The following TRPC4 variants were observed in gnomAD, a reference collection of about 807,000 sequenced individuals.
The protein encoded by TRPC4 is transient receptor potential cation channel subfamily C member 4, also known as short transient receptor potential channel 4.
A neutral mutation model predicts 99.4 loss-of-function variants in TRPC4; 49 were observed. The observed-to-expected ratio is 0.49, with a 90% confidence interval of 0.39 to 0.63. TRPC4 has a LOEUF of 0.63. TRPC4 is among the 20% of genes least tolerant of loss of function. The probability of loss-of-function intolerance (pLI) is 0.00; values close to 1 mark genes in which losing one functional copy is unlikely to be tolerated. For synonymous variants in TRPC4, 454 were observed against 425.9 expected (o/e 1.07, Z -0.81); for missense variants, 898 against 1,152.9 (o/e 0.78, Z 3.20).
At chr13:37,827,353 T>G (rs946243761) in intron 1 of TRPC4, among the ~76,000 whole-genome samples, 2 of 152,220 alleles carry the variant, frequency 1.3e-5, no homozygotes, top group South Asian at 2.1e-4. Flanking sequence ...GGCGCTCTGC[T>G]TTTTAGAGTT....
intron 1 of TRPC4, among the ~76,000 whole-genome samples, chr13:37,853,773 A>G (rs1566225954): frequency 1.3e-5 from 2 of 152,072 alleles, no homozygotes; most frequent in South Asian, 2.1e-4. Context: ...GAGTTGAAAA[A>G]TGTAATTCAC....
intron 2 of TRPC4, among the ~76,000 whole-genome samples, chr13:37,768,988 A>G (rs978321052): frequency 6.6e-6 from 1 of 151,416 alleles, no homozygotes; most frequent in Non-Finnish European, 1.5e-5. Flanking sequence ...AATATAGATC[A>G]TGGTGGTTCA....
At chr13:37,843,244 C>T (rs1958793958) in intron 1 of TRPC4, among the ~76,000 whole-genome samples, 1 of 152,110 alleles carries the variant, frequency 6.6e-6, no homozygotes, top group African/African-American at 2.4e-5. Context: ...TAAAATAATG[C>T]AAGTAAATCA....
intron 6 of TRPC4, among the ~76,000 whole-genome samples, chr13:37,661,396 C>T (rs945609129): frequency 6.6e-6 from 1 of 152,100 alleles, no homozygotes; most frequent in Non-Finnish European, 1.5e-5. Context: ...TTATGTATAA[C>T]CTATTGATTG....
intron 3 of TRPC4, among the ~76,000 whole-genome samples, chr13:37,718,745 G>A (rs868384010): frequency 2.6e-4 from 39 of 151,840 alleles, no homozygotes; most frequent in African/African-American, 8.7e-4. Context: ...AAAAAGAGAA[G>A]GAAATATTAA....
intron 2 of TRPC4, among the ~76,000 whole-genome samples, chr13:37,749,291 C>T (rs549056903): frequency 1.7e-3 from 253 of 152,134 alleles, no homozygotes; most frequent in African/African-American, 5.4e-3. Flanking sequence ...ACAGTGAAAA[C>T]GGACTAATAC....
In TRPC4 at chr13:37,742,761, A is replaced by G. The variant is rs182161899; in HGVS notation, c.897+3176T>C. On this transcript the variant is annotated intron_variant, in intron 3 of 10. Transcript: ENST00000379705. Reference sequence around the variant, plus strand: ...CTTTTGGTAAGAAAGATATGAAGCAAGACATGCTAAAGCAGAATTTTCTTT... The same window carrying G: ...CTTTTGGTAAGAAAGATATGAAGCAGGACATGCTAAAGCAGAATTTTCTTT... Among the ~76,000 whole-genome samples, 17 of 152,298 alleles carry G rather than the reference A, an allele frequency of 1.1e-4. No individual in the cohort carries two copies. The East Asian group carries it at 3.3e-3, about 29-fold the overall frequency.
At position 37,763,353 on chromosome 13, in the gene TRPC4, T is replaced by C. The variant is rs528779685; in HGVS notation, c.379-16898A>G. On this transcript the variant is annotated intron_variant, in intron 2 of 10. Transcript: ENST00000379705. ...TGGTAGCTATGGTGGTGGAAGCATATGGGAGTTTTCCCCTGATTGGTTCTA... is the reference window on the plus strand; with the variant it reads ...TGGTAGCTATGGTGGTGGAAGCATACGGGAGTTTTCCCCTGATTGGTTCTA... Among the ~76,000 whole-genome samples the C allele has an allele frequency of 4.2e-3, 635 of 151,630 alleles. 2 individuals carry two copies. Among genetic ancestry groups the C allele is most frequent in the Non-Finnish European group, 7.2e-3 (491 of 67,734 alleles).
At chr13:37,775,387 C>T (rs1333369) in intron 2 of TRPC4, among the ~76,000 whole-genome samples, 68,017 of 150,252 alleles carry the variant, frequency 0.45, 15,684 homozygotes, top group Middle Eastern at 0.5. Flanking sequence ...GATTTTTTTG[C>T]TATTTATTTT....
intron 2 of TRPC4, among the ~76,000 whole-genome samples, chr13:37,764,797 T>C (rs1298218206): frequency 7.1e-6 from 1 of 141,224 alleles, no homozygotes; most frequent in Non-Finnish European, 1.5e-5. Context: ...TTGATAGATA[T>C]AAATTTTATC....
intron 3 of TRPC4, among the ~76,000 whole-genome samples, chr13:37,714,849 C>G (rs1258044223): frequency 1.3e-5 from 2 of 152,164 alleles, no homozygotes; most frequent in African/African-American, 4.8e-5. Flanking sequence ...TGCACTAGTA[C>G]TTTAATTTGA....
chr13:37,845,575 G>A (rs555547663), intron 1 of TRPC4, among the ~76,000 whole-genome samples: 50 of 151,692 alleles, frequency 3.3e-4, no homozygotes, highest in Admixed American at 7.9e-4. Context: ...TGAGCTCAGA[G>A]GACATTTGAA....
chr13:37,729,281 C>T (rs1368209882), intron 3 of TRPC4, among the ~76,000 whole-genome samples: 1 of 152,042 alleles, frequency 6.6e-6, no homozygotes, highest in Non-Finnish European at 1.5e-5. Context: ...CAATGAGATG[C>T]ACCCTCACAC....
chr13:37,653,092 C>A (rs1570608), intron 7 of TRPC4, among the ~76,000 whole-genome samples: 49,650 of 151,926 alleles, frequency 0.33, 8,896 homozygotes, highest in East Asian at 0.61. Context: ...AGTCAAGGTC[C>A]CCTCTTCCAT....
At chr13:37,654,072 A>T (rs1952139158) in intron 7 of TRPC4, among the ~76,000 whole-genome samples, 1 of 152,158 alleles carries the variant, frequency 6.6e-6, no homozygotes, top group African/African-American at 2.4e-5. Flanking sequence ...TCTGTGAATC[A>T]ATAAATAAAA....
intron 3 of TRPC4, among the ~76,000 whole-genome samples, chr13:37,715,905 A>G (rs1954647007): frequency 6.6e-6 from 1 of 152,158 alleles, no homozygotes; most frequent in Admixed American, 6.6e-5. Context: ...ATCCCTGCCA[A>G]CCTATGACAG....
chr13:37,699,710 G>T (rs1729904876), intron 3 of TRPC4, among the ~76,000 whole-genome samples: 1 of 152,160 alleles, frequency 6.6e-6, no homozygotes, highest in African/African-American at 2.4e-5. Flanking sequence ...ATTCAGATTT[G>T]CAGATCAGGA....
intron 1 of TRPC4, chr13:37,854,771 C>CA (rs1959143267): frequency 6.6e-6 from 1 of 151,842 alleles, no homozygotes; most frequent in South Asian, 2.1e-4. Context: ...AAATACAAAC[C>CA]AAAAACTTAA....
rs1221764839 is a variant in TRPC4, at chr13:37,637,009, A to G, written c.2828T>C (p.Ile943Thr). Residue 943 changes from isoleucine (I) to threonine (T), a missense_variant, in exon 11 of 11, where the codon ATA becomes ACA. Coordinates refer to ENST00000379705, the MANE Select transcript of TRPC4 (RefSeq NM_016179.4). Reference sequence around the variant, plus strand: ...TTTTGCATGTTTCTCCTTTGGTATTATAGGAACCGTGTCCTCCACCACCAC... The same window carrying G: ...TTTTGCATGTTTCTCCTTTGGTATTGTAGGAACCGTGTCCTCCACCACCAC... ...EKVVVEDTVP[I>T]IPKEKHAKEE... is the part of the protein sequence containing the mutation. The G allele has an allele frequency of 6.2e-7, 1 of 1,613,646 alleles. No individual in the cohort carries two copies. The highest frequency in any genetic ancestry group is 1.3e-5 in the African/African-American group (1 of 74,880).
Sources: allele counts gnomAD v4.1 joint callset (sites outside exome capture counted in the v4.1 genomes callset), GRCh38; gene constraint gnomAD v4.1.1; transcripts MANE v1.5; gene names NCBI Gene and HGNC (gene_info 2026-07-23, HGNC 2026-07-21).